The following ARHGAP29 variants were observed in gnomAD, a reference collection of about 807,000 sequenced individuals.
The protein encoded by ARHGAP29 is rho GTPase-activating protein 29.
Under a neutral mutation model 122.6 loss-of-function variants are expected in ARHGAP29, and 43 were observed. The observed-to-expected ratio is 0.35, with a 90% CI of 0.27 to 0.45. The LOEUF (loss-of-function observed/expected upper bound fraction) is 0.45. Ranked by LOEUF, ARHGAP29 falls within the 20% of genes least tolerant of loss-of-function variation. The pLI is 1.00. For missense variants in ARHGAP29, 1,303 were observed against 1,477.2 expected, an observed-to-expected ratio of 0.88 and a Z score of 1.93; for synonymous variants, 506 against 497.1, an observed-to-expected ratio of 1.02 and a Z score of -0.24.
At chr1:94,248,983 G>A (rs1653968362) in intron 1 of ARHGAP29, among the ~76,000 whole-genome samples, 1 of 152,166 alleles carries the variant, frequency 6.6e-6, no homozygotes. Context: ...CAAAGTGCTG[G>A]GATTAGAGGC....
At chr1:94,190,420 C>G (rs1650065107) in intron 12 of ARHGAP29, 1 of 183,788 alleles carries the variant, frequency 5.4e-6, no homozygotes, top group African/African-American at 2.4e-5. Context: ...TCCTGATGGT[C>G]TGATCACAAC....
chr1:94,276,395 G>A (rs1003720647), upstream of ARHGAP29, among the ~76,000 whole-genome samples: 6 of 151,944 alleles, frequency 3.9e-5, no homozygotes, highest in Non-Finnish European at 4.4e-5. Context: ...AGATATCAAA[G>A]GATATTAAGC....
rs930096339 is a variant in ARHGAP29 at position 94,237,537 on chromosome 1, T to TCAGCCGCAGCCG, written c.-167_-156dup. 12 of 990,638 alleles carry TCAGCCGCAGCCG rather than the reference T, an allele frequency of 1.2e-5. No homozygotes were observed. The highest frequency in any genetic ancestry group is 8.9e-5 in the South Asian group (2 of 22,416). The allele number at this position is 990,638 out of a possible 1,614,324, so 61.4% of individuals were successfully genotyped here. ...CGGCCTGCGGACGCCCGGCCAAATC[T>TCAGCCGCAGCCG]CAGCCGCAGCCGCAGCCGCAGCCAC... On this transcript the variant is annotated 5_prime_UTR_variant, in exon 1 of 23. Coordinates refer to ENST00000260526, the MANE Select transcript of ARHGAP29 (RefSeq NM_004815.4).
chr1:94,230,574 A>G (rs1652861573), intron 2 of ARHGAP29, among the ~76,000 whole-genome samples: 1 of 151,910 alleles, frequency 6.6e-6, no homozygotes, highest in East Asian at 1.9e-4. Context: ...TAAGTATTTA[A>G]CTTATATATA....
chr1:94,306,185 C>T, the ARHGAP29 span, among the ~76,000 whole-genome samples: 6 of 152,222 alleles, frequency 3.9e-5, no homozygotes, highest in African/African-American at 7.2e-5. Context: ...TTCTTTGAGT[C>T]TTTCCCCACC....
chr1:94,286,106 C>T, the ARHGAP29 span, among the ~76,000 whole-genome samples: 2 of 152,134 alleles, frequency 1.3e-5, no homozygotes, highest in Non-Finnish European at 2.9e-5. Context: ...GGAAGTCTTA[C>T]ATTAGAGTGC....
intron 6 of ARHGAP29, 150 bp from the exon 7 acceptor site, chr1:94,205,348 G>C (rs1003300206): frequency 6.3e-5 from 41 of 647,012 alleles, no homozygotes; most frequent in Non-Finnish European, 1.0e-4. Context: ...AAAGGCCAGA[G>C]TTTAAACTTA....
chr1:94,178,201 T>A, intron 20 of ARHGAP29, 34 bp from the exon 21 acceptor site: 2 of 1,571,952 alleles, frequency 1.3e-6, no homozygotes, highest in South Asian at 2.4e-5. Flanking sequence ...TGTATGAGAT[T>A]TTCCTATTAG....
At chr1:94,305,999 A>G in the ARHGAP29 span, among the ~76,000 whole-genome samples, 1 of 152,242 alleles carries the variant, frequency 6.6e-6, no homozygotes, top group Non-Finnish European at 1.5e-5. Context: ...TTAGAATTGC[A>G]TGAGACCAGC....
At chr1:94,190,302 A>G (rs1204895173) in intron 12 of ARHGAP29, 2 of 429,078 alleles carry the variant, frequency 4.7e-6, no homozygotes, top group East Asian at 4.0e-5. Flanking sequence ...ATTTCCAGCA[A>G]AACTGGCTTT....
intron 2 of ARHGAP29, among the ~76,000 whole-genome samples, chr1:94,224,824 C>T (rs967969796): frequency 2.0e-5 from 3 of 152,028 alleles, no homozygotes; most frequent in Admixed American, 2.0e-4. Context: ...TCCTTTTTTT[C>T]CTACAAGGTA....
Position 94,186,593 on chromosome 1 carries a change from G to C in ARHGAP29, c.1686C>G (p.Asp562Glu). The C allele has an allele frequency of 6.2e-7, 1 of 1,612,402 alleles. No individual in the cohort carries two copies. The highest frequency in any genetic ancestry group is 1.1e-5 in the South Asian group (1 of 90,968). Reference protein sequence around the residue: ...SLDSESISPGDFHRKLPRTPS... With the variant: ...SLDSESISPGEFHRKLPRTPS... Reference sequence around the variant, plus strand: ...GTGTTCGTGGAAGTTTTCGATGAAAGTCTCCTAGAAGAAAATTGTGGATAC... The same window carrying C: ...GTGTTCGTGGAAGTTTTCGATGAAACTCTCCTAGAAGAAAATTGTGGATAC... The change falls in exon 16 of 23, where the codon GAC (aspartate) becomes GAG (glutamate). Residue 562 changes from aspartate to glutamate, a missense_variant. By Grantham distance (45) the Asp-to-Glu change is conservative. Coordinates refer to ENST00000260526, the MANE Select transcript of ARHGAP29 (RefSeq NM_004815.4).
chr1:94,203,298 C>CT, intron 8 of ARHGAP29, 88 bp from the exon 9 acceptor site: 1 of 900,080 alleles, frequency 1.1e-6, no homozygotes, highest in Admixed American at 3.1e-5. Flanking sequence ...AAAAGGGAAA[C>CT]TAAGTTTAGA....
intron 1 of ARHGAP29, among the ~76,000 whole-genome samples, chr1:94,257,987 G>A (rs558975402): frequency 9.3e-4 from 141 of 152,266 alleles, no homozygotes; most frequent in African/African-American, 3.2e-3. Context: ...TAGAAGCCCC[G>A]ATCAGGGATG....
At chr1:94,308,454 T>C in the ARHGAP29 span, among the ~76,000 whole-genome samples, 1 of 152,222 alleles carries the variant, frequency 6.6e-6, no homozygotes, top group African/African-American at 2.4e-5. Flanking sequence ...TGAGATTCCA[T>C]TCCTTAATTC....
intron 1 of ARHGAP29, among the ~76,000 whole-genome samples, chr1:94,244,417 T>C (rs540427166): frequency 2.0e-5 from 3 of 151,942 alleles, no homozygotes; most frequent in African/African-American, 7.2e-5. Flanking sequence ...TCTGACAAAA[T>C]TCCATGGCCA....
chr1:94,250,609 T>C (rs1391934761), intron 1 of ARHGAP29: 1 of 152,202 alleles, frequency 6.6e-6, no homozygotes, highest in African/African-American at 2.4e-5. Context: ...TAATCTTGAT[T>C]CCATGATGGG....
chr1:94,209,482 A>G, intron 3 of ARHGAP29, 132 bp from the exon 4 acceptor site: 1 of 522,760 alleles, frequency 1.9e-6, no homozygotes, highest in Non-Finnish European at 3.2e-6. Flanking sequence ...AAAGCCTAAC[A>G]TACAAAATTG....
chr1:94,310,337 G>A, the ARHGAP29 span, among the ~76,000 whole-genome samples: 18 of 152,210 alleles, frequency 1.2e-4, no homozygotes, highest in Non-Finnish European at 2.5e-4. Context: ...TACGGCCCGG[G>A]AAGATGGGCA....
Sources: gnomAD v4.1 joint callset for allele counts (sites outside exome capture counted in the v4.1 genomes callset) on GRCh38, gnomAD v4.1.1 for gene constraint, MANE v1.5 for transcripts, NCBI Gene and HGNC (gene_info 2026-07-23, HGNC 2026-07-21) for gene names.